SLC22A17: variants seen among roughly 807,000 people sequenced by gnomAD.
SLC22A17 encodes the protein 24p3 receptor.
Under a neutral mutation model 53.6 loss-of-function variants are expected in SLC22A17, and 38 were observed. That is an observed-to-expected ratio of 0.71 (90% CI 0.55 to 0.93). SLC22A17 has a LOEUF of 0.93. Ranked by LOEUF, SLC22A17 falls within the 40% of genes least tolerant of loss-of-function variation. The pLI is 0.00. For synonymous variants in SLC22A17, 379 were observed against 353.0 expected (o/e 1.07, Z -0.82); for missense variants, 704 against 791.0 (o/e 0.89, Z 1.32).
In SLC22A17 at chr14:23,347,468, G is replaced by A; in HGVS notation, c.1541C>T (p.Pro514Leu). Residue 514 changes from proline (P) to leucine (L), a missense_variant, in exon 8 of 10, where the codon CCC becomes CTC. Physicochemically the swap from Pro to Leu is moderately conservative, Grantham distance 98. This residue lies in a region of SLC22A17 where 435 missense variants were observed against 529.0 expected (regional missense o/e 0.82). Transcript: ENST00000397267. This position sits in a 1 kb window ranked among gnomAD's most constrained non-coding sequence, Gnocchi z 5.1. The stretch of plus-strand genomic sequence containing the variant: ...GTGCCTGTCTGAAGCACCTCTGTTG[G>A]GGTTCCCTTGTTGAGCCCACACTGT... 6 of 1,613,712 alleles carry A rather than the reference G, an allele frequency of 3.7e-6. No homozygotes were observed. The highest frequency in any genetic ancestry group is 5.1e-6 in the Non-Finnish European group (6 of 1,179,854).
At chr14:23,351,761 G>T in exon 3 of SLC22A17, 1 of 1,613,094 alleles carries the variant, frequency 6.2e-7, no homozygotes, top group Non-Finnish European at 8.5e-7. Context: ...CCTGTCTGCG[G>T]GGTAACCCAG....
exon 4 of SLC22A17, chr14:23,349,401 G>A: frequency 6.2e-7 from 1 of 1,613,634 alleles, no homozygotes; most frequent in Non-Finnish European, 8.5e-7. Flanking sequence ...CCCAAGGTCA[G>A]CAGCACAATC....
At position 23,347,461 on chromosome 14, in the gene SLC22A17, T is replaced by A. The variant is rs202242528; in HGVS notation, c.1548A>T (p.Arg516Ser). ...AATGGCTGTGCCTGTCTGAAGCACC[T>A]CTGTTGGGGTTCCCTTGTTGAGCCC... Residue 516 changes from arginine to serine, a missense_variant and splice_region_variant, in exon 8 of 10, where the codon AGA (arginine) becomes AGT (serine). Arg to Ser is a moderately radical substitution (Grantham distance 110, BLOSUM62 -1). This residue lies in a region of SLC22A17 where 435 missense variants were observed against 529.0 expected (regional missense o/e 0.82). Coordinates refer to ENST00000397267, the Ensembl canonical transcript of SLC22A17. This position sits in a 1 kb window ranked among gnomAD's most constrained non-coding sequence, Gnocchi z 5.1. The A allele has an allele frequency of 7.1e-5, 114 of 1,613,208 alleles. No homozygotes were observed. Among genetic ancestry groups the A allele is most frequent in the Admixed American group, 5.2e-4 (31 of 59,958 alleles).
Position 23,348,499 on chromosome 14 carries a change from T to C in SLC22A17, c.1025+7A>G. The C allele has an allele frequency of 6.2e-7, 1 of 1,612,920 alleles. No individual in the cohort carries two copies. The highest frequency in any genetic ancestry group is 8.5e-7 in the Non-Finnish European group (1 of 1,179,420). On this transcript the variant is annotated splice_region_variant and intron_variant, in intron 5 of 9. Coordinates refer to ENST00000397267, the Ensembl canonical transcript of SLC22A17. This position sits in a 1 kb window ranked among gnomAD's most constrained non-coding sequence, Gnocchi z 4.5. ...TTGCCAGACGACAGGTGAAGGGTAA[T>C]ACTGACCCATAAAACAGGAAGAGGA...
chr14:23,346,509 C>T, exon 10 of SLC22A17: 1 of 1,103,892 alleles, frequency 9.1e-7, no homozygotes, highest in Non-Finnish European at 1.2e-6. Context: ...GTGGGGACGG[C>T]CCTCTGAGCT....
In SLC22A17 at chr14:23,347,179, A is replaced by G. The variant is rs1029489351; in HGVS notation, c.1583T>C (p.Val528Ala). 2 of 1,613,958 alleles carry G rather than the reference A, an allele frequency of 1.2e-6. No individual in the cohort carries two copies. The highest frequency in any genetic ancestry group is 1.7e-6 in the Non-Finnish European group (2 of 1,179,964). The change falls in exon 9 of 10, where the codon GTC becomes GCC. Residue 528 changes from valine (V) to alanine (A), a missense_variant. Transcript: ENST00000397267. The surrounding 1 kb of genome is among the most constrained non-coding windows in gnomAD (Gnocchi z 5.1). ...AGCTTGGGAGGAGAAGAGCCCAAGG[A>G]CAGAGAAAGTGGTGATGGCAGCCTC...
intron 2 of SLC22A17, 24 bp from the exon 3 acceptor site, chr14:23,351,879 C>G: frequency 6.2e-7 from 1 of 1,611,782 alleles, no homozygotes. Flanking sequence ...AAGGGTGCAG[C>G]GGGCGTGAGG....
In SLC22A17 at chr14:23,347,403, T is replaced by C. The variant is rs975991379; in HGVS notation, c.1549+57A>G. 13 of 1,585,360 alleles carry C rather than the reference T, an allele frequency of 8.2e-6. No homozygotes were observed. The African/African-American group carries it at 1.3e-4, about 16-fold the overall frequency. ...GCTCGTGGAAGAGCTGGGCAGGGTCTGGGGCTTGTCTTGGGAGGCCTGTGC... is the reference window on the plus strand; with the variant it reads ...GCTCGTGGAAGAGCTGGGCAGGGTCCGGGGCTTGTCTTGGGAGGCCTGTGC... On this transcript the variant is annotated intron_variant, in intron 8 of 9. Coordinates refer to ENST00000397267, the Ensembl canonical transcript of SLC22A17. The surrounding 1 kb of genome is among the most constrained non-coding windows in gnomAD (Gnocchi z 5.1).
In SLC22A17 at chr14:23,352,489, C is replaced by T; in HGVS notation, c.97-38G>A. 1 of 426,902 alleles carries T rather than the reference C, an allele frequency of 2.3e-6. No homozygotes were observed. The highest frequency in any genetic ancestry group is 4.1e-6 in the Non-Finnish European group (1 of 244,636). 26.4% of individuals were successfully genotyped at this position (426,902 alleles called of 1,614,324 possible). ...AGGGGGTGGCAGGAGAAGGGTGAAG[C>T]GGAGGAAACCGCAGAGCAAGGGCAG... is the stretch of plus-strand genomic sequence containing the variant. On this transcript the variant is annotated intron_variant, in intron 1 of 9. Coordinates refer to ENST00000397267, the Ensembl canonical transcript of SLC22A17. The surrounding 1 kb of genome is among the most constrained non-coding windows in gnomAD (Gnocchi z 7.2).
In SLC22A17 at chr14:23,346,941, G is replaced by T. The variant is rs928609343; in HGVS notation, c.1662-5C>A. The T allele has an allele frequency of 9.2e-6, 14 of 1,529,298 alleles. No homozygotes were observed. The highest frequency in any genetic ancestry group is 1.2e-5 in the South Asian group (1 of 83,320). 94.7% of individuals were successfully genotyped at this position (1,529,298 alleles called of 1,614,324 possible). ...ATCAGGCCCAGGCCACGGCCCCTGG[G>T]GGGAGACAGAGGAGGAGCTCAGCCC... On this transcript the variant is annotated splice_region_variant and splice_polypyrimidine_tract_variant and intron_variant, in intron 9 of 9. Transcript: ENST00000397267.
At position 23,348,321 on chromosome 14, in the gene SLC22A17, G is replaced by A; in HGVS notation, c.1026-15C>T. ...AACCAGGCCAGCTGGGGGCAGGGGG[G>A]AAGGGGTATACTGTGAGGCCTCCCT... On this transcript the variant is annotated splice_polypyrimidine_tract_variant and intron_variant, in intron 5 of 9. Coordinates refer to ENST00000397267, the Ensembl canonical transcript of SLC22A17. This position sits in a 1 kb window ranked among gnomAD's most constrained non-coding sequence, Gnocchi z 4.5. The A allele has an allele frequency of 6.2e-6, 10 of 1,613,738 alleles. No individual in the cohort carries two copies. Among genetic ancestry groups the A allele is most frequent in the African/African-American group, 1.3e-5 (1 of 75,020 alleles).
chr14:23,349,089 G>T, intron 4 of SLC22A17, 183 bp downstream of exon 4: 1 of 730,808 alleles, frequency 1.4e-6, no homozygotes, highest in Middle Eastern at 2.3e-4. Context: ...AAAGATTGTC[G>T]GGAGGGGGAG....
intron 3 of SLC22A17, chr14:23,351,321 G>T (rs1889607571): frequency 6.3e-6 from 1 of 159,338 alleles, no homozygotes; most frequent in Non-Finnish European, 1.4e-5. Context: ...TCAGAAATGG[G>T]GTAATTTGTT....
chr14:23,350,472 T>C (rs2138517943), intron 3 of SLC22A17, among the ~76,000 whole-genome samples: 1 of 152,280 alleles, frequency 6.6e-6, no homozygotes, highest in South Asian at 2.1e-4. Context: ...ATGAGACTAT[T>C]GGTAAGTGAT....
In SLC22A17 at chr14:23,348,246, C is replaced by G. The variant is rs1424051765; in HGVS notation, c.1086G>C (p.Glu362Asp). ...CCAGGATCCTCAGCACAGACTGAGCCTCCTCAATCTGCCGCTTCACTATCA... is the reference window on the plus strand; with the variant it reads ...CCAGGATCCTCAGCACAGACTGAGCGTCCTCAATCTGCCGCTTCACTATCA... The change falls in exon 6 of 10, where the codon GAG becomes GAC. Residue 362 changes from glutamate to aspartate, a missense_variant. Transcript: ENST00000397267. This position sits in a 1 kb window ranked among gnomAD's most constrained non-coding sequence, Gnocchi z 4.5. 6.2e-7 allele frequency: 1 copy of G among 1,614,036 alleles called. No homozygotes were observed. Among genetic ancestry groups the G allele is most frequent in the Admixed American group, 1.7e-5 (1 of 60,012 alleles).
Position 23,352,765 on chromosome 14 carries a change from C to G in SLC22A17, c.-24G>C. 2.5e-6 allele frequency: 1 copy of G among 398,822 alleles called. No homozygotes were observed. The highest frequency in any genetic ancestry group is 4.4e-6 in the Non-Finnish European group (1 of 225,914). The allele number at this position is 398,822 out of a possible 1,614,324, so 24.7% of individuals were successfully genotyped here. On this transcript the variant is annotated 5_prime_UTR_variant, in exon 1 of 10. Coordinates refer to ENST00000397267, the Ensembl canonical transcript of SLC22A17. This position sits in a 1 kb window ranked among gnomAD's most constrained non-coding sequence, Gnocchi z 7.2. ...AGCTTGCCGACCGCAGGGGCCCTGCCGGCCCGCGCCGAAAGGATGCGCTGT... is the reference window on the plus strand; with the variant it reads ...AGCTTGCCGACCGCAGGGGCCCTGCGGGCCCGCGCCGAAAGGATGCGCTGT...
At chr14:23,346,642 G>A (rs1268705158) in exon 10 of SLC22A17, 2 of 1,477,466 alleles carry the variant, frequency 1.4e-6, no homozygotes, top group East Asian at 2.4e-5. Context: ...GGTACTCAGA[G>A]GCCGCTCAGA....
chr14:23,350,395 G>C (rs1397700947), intron 3 of SLC22A17, among the ~76,000 whole-genome samples: 1 of 152,210 alleles, frequency 6.6e-6, no homozygotes, highest in Non-Finnish European at 1.5e-5. Context: ...TAGGACTATT[G>C]ATCAGTGGGA....
chr14:23,349,583 AC>A, intron 3 of SLC22A17, 157 bp from the exon 4 acceptor site: 1 of 850,990 alleles, frequency 1.2e-6, no homozygotes, highest in Non-Finnish European at 1.8e-6. Flanking sequence ...AGGGATGGGG[AC>A]CATGGGTGGG....
Sources: allele counts gnomAD v4.1 joint callset (sites outside exome capture counted in the v4.1 genomes callset), GRCh38; gene constraint gnomAD v4.1.1; regional missense constraint gnomAD v4.1.1; non-coding constraint Gnocchi (gnomAD v3.1); transcripts MANE v1.5; gene names NCBI Gene and HGNC (gene_info 2026-07-23, HGNC 2026-07-21).